IL10RA: variants seen among roughly 807,000 people sequenced by gnomAD.
IL10RA encodes interleukin-10 receptor subunit alpha.
In IL10RA, 18 loss-of-function variants were observed where a neutral mutation model predicts 29.6. The ratio of observed to expected loss-of-function variants is 0.61; its 90% CI spans 0.42 to 0.90. The LOEUF (loss-of-function observed/expected upper bound fraction) is 0.90. IL10RA is among the 40% of genes least tolerant of loss of function. The pLI is 0.00. For missense variants in IL10RA, 634 were observed against 716.6 expected (o/e 0.88, Z 1.32); for synonymous variants, 292 against 294.1 (o/e 0.99, Z 0.07).
intron 1 of IL10RA, chr11:117,986,756 G>C: frequency 6.5e-7 from 1 of 1,532,096 alleles, no homozygotes; most frequent in Non-Finnish European, 8.7e-7. Context: ...AGAGAAGTAT[G>C]CGCAAGGCCA....
chr11:117,999,569 T>G lies in IL10RA; in HGVS notation c.1665T>G (p.Gly555=), dbSNP rs1403480243. ...CTCTAGGCTGTGTGGCAGCCCCAGGTGGTCTCCTGGGCAGCTTTAACTCAG... is the reference window on the plus strand; with the variant it reads ...CTCTAGGCTGTGTGGCAGCCCCAGGGGGTCTCCTGGGCAGCTTTAACTCAG... The part of the protein sequence containing the change: ...LAPLGCVAAP[G]GLLGSFNSDL... Residue 555 remains glycine, a synonymous_variant, in exon 7 of 7, where the codon GGT becomes GGG. Coordinates refer to ENST00000227752, the MANE Select transcript of IL10RA (RefSeq NM_001558.4). 21 of 1,613,890 alleles carry G rather than the reference T, an allele frequency of 1.3e-5. No homozygotes were observed. The highest frequency in any genetic ancestry group is 1.7e-5 in the Non-Finnish European group (20 of 1,179,922).
At chr11:117,998,314 G>T (rs895756729) in intron 6 of IL10RA, among the ~76,000 whole-genome samples, 1 of 152,124 alleles carries the variant, frequency 6.6e-6, no homozygotes, top group Non-Finnish European at 1.5e-5. Context: ...TTACATACGG[G>T]TTATATATAC....
At position 117,995,562 on chromosome 11, in the gene IL10RA, CA is replaced by C. The variant is rs574968770; in HGVS notation, c.689-26del. The C allele has an allele frequency of 6.2e-4, 999 of 1,613,832 alleles. 15 individuals carry two copies. The highest frequency in any genetic ancestry group is 5.5e-3 in the South Asian group (499 of 90,848). ...ATCACCGTGCCCCATGGTGACAGGCCACAAACACATCTCTCTGGGCCTGCAG... is the reference window on the plus strand; with the variant it reads ...ATCACCGTGCCCCATGGTGACAGGCCCAAACACATCTCTCTGGGCCTGCAG... On this transcript the variant is annotated intron_variant, in intron 5 of 6. Coordinates refer to ENST00000227752, the MANE Select transcript of IL10RA (RefSeq NM_001558.4).
Position 118,000,505 on chromosome 11 carries a change from G to A in IL10RA, c.*864G>A, listed in dbSNP as rs1434370922. 2.0e-5 allele frequency: 9 copies of A among 454,304 alleles called. No homozygotes were observed. Among genetic ancestry groups the A allele is most frequent in the South Asian group, 6.2e-5 (4 of 64,480 alleles). The allele number at this position is 454,304 out of a possible 1,614,324, so 28.1% of individuals were successfully genotyped here. A position where few individuals can be genotyped will look rare whatever the true frequency, so the allele number is the denominator to read the frequency against. ...TTGGTCATAACTCAGCCCTTTGGGC[G>A]GCCTCTGGGCTTGGGCACCAGCTCA... On this transcript the variant is annotated 3_prime_UTR_variant, in exon 7 of 7. Coordinates refer to ENST00000227752, the MANE Select transcript of IL10RA (RefSeq NM_001558.4).
rs905340440 is a variant in IL10RA at position 117,999,849 on chromosome 11, T to C, written c.*208T>C. 1.4e-6 allele frequency: 1 copy of C among 693,076 alleles called. No homozygotes were observed. Among genetic ancestry groups the C allele is most frequent in the African/African-American group, 1.8e-5 (1 of 57,048 alleles). 42.9% of individuals were successfully genotyped at this position (693,076 alleles called of 1,614,324 possible). On this transcript the variant is annotated 3_prime_UTR_variant, in exon 7 of 7. Coordinates refer to ENST00000227752, the MANE Select transcript of IL10RA (RefSeq NM_001558.4). The stretch of plus-strand genomic sequence containing the variant: ...ACTCACTGAACTAGTGCAGGGTATG[T>C]GGGTGGCACTGACCTGTTCTGTTGA...
chr11:117,986,496 C>G lies in IL10RA; in HGVS notation c.29C>G (p.Ala10Gly), dbSNP rs2057986903. MLPCLVVLL[A>G]ALLSLRLGSD... ...CTGCCGTGCCTCGTAGTGCTGCTGG[C>G]GGCGCTCCTCAGCCTCCGTCTTGGC... The change falls in exon 1 of 7, where the codon GCG (alanine) becomes GGG (glycine). Residue 10 changes from alanine (A) to glycine (G), a missense_variant. Physicochemically the swap from Ala to Gly is moderately conservative, Grantham distance 60. Transcript: ENST00000227752. 2 of 1,556,362 alleles carry G rather than the reference C, an allele frequency of 1.3e-6. No individual in the cohort carries two copies. The highest frequency in any genetic ancestry group is 2.7e-5 in the African/African-American group (2 of 73,362).
rs551876008 is a variant in IL10RA, at chr11:118,000,942, A to G, written c.*1301A>G. On this transcript the variant is annotated 3_prime_UTR_variant, in exon 7 of 7. Coordinates refer to ENST00000227752, the MANE Select transcript of IL10RA (RefSeq NM_001558.4). Reference sequence around the variant, plus strand: ...GGCCATTTGGACTCTGCCTTCAAACAAAGGCAGTTCAGTCCACAGGCATGG... The same window carrying G: ...GGCCATTTGGACTCTGCCTTCAAACGAAGGCAGTTCAGTCCACAGGCATGG... 6.6e-6 allele frequency: 3 copies of G among 454,098 alleles called. No individual in the cohort carries two copies. The highest frequency in any genetic ancestry group is 1.3e-5 in the Non-Finnish European group (3 of 226,764). 28.1% of individuals were successfully genotyped at this position (454,098 alleles called of 1,614,324 possible).
chr11:117,995,449 T>C (rs1045803014), intron 5 of IL10RA, 140 bp from the exon 6 acceptor site: 13 of 1,022,088 alleles, frequency 1.3e-5, no homozygotes, highest in Middle Eastern at 2.4e-4. Flanking sequence ...CATCTAGAGT[T>C]GTGGCCTGTA....
Position 117,986,460 on chromosome 11 carries a change from C to A in IL10RA, c.-8C>A. 1 of 1,551,780 alleles carries A rather than the reference C, an allele frequency of 6.4e-7. No homozygotes were observed. Among genetic ancestry groups the A allele is most frequent in the Non-Finnish European group, 8.7e-7 (1 of 1,148,018 alleles). ...CGCTCCGGCCCCGGACGATGCGGCG[C>A]GCCCAGGATGCTGCCGTGCCTCGTA... is the stretch of plus-strand genomic sequence containing the variant. On this transcript the variant is annotated 5_prime_UTR_variant, in exon 1 of 7. Transcript: ENST00000227752.
chr11:117,993,556 A>G, intron 4 of IL10RA, 146 bp downstream of exon 4: 1 of 747,064 alleles, frequency 1.3e-6, no homozygotes, highest in Admixed American at 2.0e-5. Context: ...GAGGGAGTAG[A>G]AACCACCTCA....
At position 117,998,795 on chromosome 11, in the gene IL10RA, T is replaced by G. The variant is rs1305482628; in HGVS notation, c.891T>G (p.Asp297Glu). 1.2e-6 allele frequency: 2 copies of G among 1,614,096 alleles called. No individual in the cohort carries two copies. Among genetic ancestry groups the G allele is most frequent in the Admixed American group, 3.3e-5 (2 of 60,008 alleles). Residue 297 changes from aspartate (D) to glutamate (E), a missense_variant, in exon 7 of 7, where the codon GAT becomes GAG. Physicochemically the swap from Asp to Glu is conservative, Grantham distance 45. Coordinates refer to ENST00000227752, the MANE Select transcript of IL10RA (RefSeq NM_001558.4). The part of the protein sequence containing the change: ...PETQDTIHPL[D>E]EEAFLKVSPE... ...CCCAAGACACCATCCACCCGCTTGATGAGGAGGCCTTTTTGAAGGTGTCCC... is the reference window on the plus strand; with the variant it reads ...CCCAAGACACCATCCACCCGCTTGAGGAGGAGGCCTTTTTGAAGGTGTCCC...
At chr11:117,986,729 G>A (rs1188552525) in intron 1 of IL10RA, 195 bp downstream of exon 1, 6 of 1,533,846 alleles carry the variant, frequency 3.9e-6, no homozygotes, top group South Asian at 2.4e-5. Context: ...GACAGGAACT[G>A]ACGGATTGGG....
In IL10RA at chr11:117,989,362, C is replaced by T; in HGVS notation, c.189-80C>T. On this transcript the variant is annotated intron_variant, in intron 2 of 6. Transcript: ENST00000227752. This position sits in a 1 kb window ranked among gnomAD's most constrained non-coding sequence, Gnocchi z 4.5. ...TTTCTCCCAATGTGGGAGCTCTCTT[C>T]CTGGCCTCTTGCGTCTCCCTTAAAG... 1.5e-6 allele frequency: 2 copies of T among 1,293,162 alleles called. No homozygotes were observed. Among genetic ancestry groups the T allele is most frequent in the Admixed American group, 1.7e-5 (1 of 59,542 alleles). 80.1% of individuals were successfully genotyped at this position (1,293,162 alleles called of 1,614,324 possible).
At chr11:117,993,508 G>C (rs2058037845) in intron 4 of IL10RA, 98 bp downstream of exon 4, 1 of 1,082,602 alleles carries the variant, frequency 9.2e-7, no homozygotes, top group Non-Finnish European at 1.4e-6. Flanking sequence ...CTTTGCTTAT[G>C]GACTAAAGGG....
At chr11:117,991,331 C>T (rs529879943) in intron 3 of IL10RA, among the ~76,000 whole-genome samples, 1 of 152,220 alleles carries the variant, frequency 6.6e-6, no homozygotes, top group African/African-American at 2.4e-5. Flanking sequence ...TACATGTATA[C>T]CTTGTGGAAT....
Position 117,986,447 on chromosome 11 carries a change from G to A in IL10RA, c.-21G>A, listed in dbSNP as rs1381655789. 2.1e-5 allele frequency: 33 copies of A among 1,549,576 alleles called. No individual in the cohort carries two copies. The highest frequency in any genetic ancestry group is 2.7e-5 in the African/African-American group (2 of 73,020). ...CGCAGGCCGGCTCCGCTCCGGCCCC[G>A]GACGATGCGGCGCGCCCAGGATGCT... On this transcript the variant is annotated 5_prime_UTR_variant, in exon 1 of 7. Transcript: ENST00000227752.
At chr11:117,988,182 C>G (rs950547438) in intron 1 of IL10RA, 200 bp from the exon 2 acceptor site, 1 of 650,986 alleles carries the variant, frequency 1.5e-6, no homozygotes, top group Non-Finnish European at 2.7e-6. Context: ...TCACAGAGAG[C>G]ACAGGGCAGT....
rs201980658 is a variant in IL10RA at position 117,988,399 on chromosome 11, C to G, written c.85C>G (p.Pro29Ala). The change falls in exon 2 of 7, where the codon CCT becomes GCT. Residue 29 changes from proline to alanine, a missense_variant. Physicochemically the swap from Pro to Ala is conservative, Grantham distance 27. Coordinates refer to ENST00000227752, the MANE Select transcript of IL10RA (RefSeq NM_001558.4). ...SDAHGTELPSPPSVWFEAEFF... is the reference protein window; with the variant it reads ...SDAHGTELPSAPSVWFEAEFF... ...CTCCCCAGGGACAGAGCTGCCCAGCCCTCCGTCTGTGTGGTTTGAAGCAGA... is the reference window on the plus strand; with the variant it reads ...CTCCCCAGGGACAGAGCTGCCCAGCGCTCCGTCTGTGTGGTTTGAAGCAGA... 6 of 1,614,192 alleles carry G rather than the reference C, an allele frequency of 3.7e-6. No individual in the cohort carries two copies. The East Asian group carries it at 1.3e-4, about 36-fold the overall frequency.
At position 118,001,008 on chromosome 11, in the gene IL10RA, A is replaced by T. The variant is rs1326136638; in HGVS notation, c.*1367A>T. On this transcript the variant is annotated 3_prime_UTR_variant, in exon 7 of 7. Transcript: ENST00000227752. Reference sequence around the variant, plus strand: ...AGGCCTGTGCGTGCCATCCAGAGTCATCTCAGCCCTGCCTTTCTCTGGAGC... The same window carrying T: ...AGGCCTGTGCGTGCCATCCAGAGTCTTCTCAGCCCTGCCTTTCTCTGGAGC... 1 of 454,220 alleles carries T rather than the reference A, an allele frequency of 2.2e-6. No homozygotes were observed. The highest frequency in any genetic ancestry group is 4.4e-6 in the Non-Finnish European group (1 of 226,778). 28.1% of individuals were successfully genotyped at this position (454,220 alleles called of 1,614,324 possible). A position where few individuals can be genotyped will look rare whatever the true frequency, so the allele number is the denominator to read the frequency against.
Sources: gnomAD v4.1 joint callset for allele counts (sites outside exome capture counted in the v4.1 genomes callset) on GRCh38, gnomAD v4.1.1 for gene constraint, Gnocchi (gnomAD v3.1) non-coding constraint, MANE v1.5 for transcripts, NCBI Gene and HGNC (gene_info 2026-07-23, HGNC 2026-07-21) for gene names.